CTBP2: variants seen among roughly 807,000 people sequenced by gnomAD.
The protein encoded by CTBP2 is C-terminal-binding protein 2.
CTBP2 carries 30 observed loss-of-function variants against 80.3 expected under a neutral mutation model. That is an observed-to-expected ratio of 0.37 (90% CI 0.28 to 0.51). The LOEUF is 0.51. Among genes scored for constraint, CTBP2 ranks in the 20% least tolerant of loss-of-function variants. The pLI is 0.93. For missense variants in CTBP2, 1,212 were observed against 1,375.3 expected (o/e 0.88, Z 1.88); for synonymous variants, 594 against 587.4 (o/e 1.01, Z -0.16).
chr10:125,117,155 C>T (rs964550403), intron 1 of CTBP2, among the ~76,000 whole-genome samples: 6 of 151,698 alleles, frequency 4.0e-5, no homozygotes, highest in African/African-American at 1.5e-4. Flanking sequence ...CTTCCCAACC[C>T]TCCTCTGCCC....
At chr10:125,048,332 T>G in intron 2 of CTBP2, among the ~76,000 whole-genome samples, 1 of 152,046 alleles carries the variant, frequency 6.6e-6, no homozygotes, top group Non-Finnish European at 1.5e-5. Context: ...CTATCCCAAC[T>G]TAAGCTCTAC....
chr10:125,023,418 C>A (rs1957243321), intron 1 of CTBP2, among the ~76,000 whole-genome samples: 1 of 152,214 alleles, frequency 6.6e-6, no homozygotes, highest in Non-Finnish European at 1.5e-5. Context: ...TCTGATGATC[C>A]CTGCTGCATC....
At chr10:124,990,289 CG>C (rs1952432310) in intron 8 of CTBP2, among the ~76,000 whole-genome samples, 1 of 151,922 alleles carries the variant, frequency 6.6e-6, no homozygotes, top group Non-Finnish European at 1.5e-5. Flanking sequence ...GTGATCCGCC[CG>C]CCTCAGCCTC....
intron 1 of CTBP2, among the ~76,000 whole-genome samples, chr10:125,124,259 CTG>C (rs970595132): frequency 6.6e-6 from 1 of 152,198 alleles, no homozygotes; most frequent in African/African-American, 2.4e-5. Context: ...TTGTGGCACT[CTG>C]TGTCTTTTCC....
intron 2 of CTBP2, among the ~76,000 whole-genome samples, chr10:125,088,749 C>CA (rs1338331221): frequency 6.6e-6 from 1 of 152,150 alleles, no homozygotes; most frequent in Admixed American, 6.5e-5. Context: ...AACGGGCATA[C>CA]AAAAAGAGGG....
intron 2 of CTBP2, among the ~76,000 whole-genome samples, chr10:125,103,501 A>G (rs1850959374): frequency 6.6e-6 from 1 of 152,170 alleles, no homozygotes; most frequent in Non-Finnish European, 1.5e-5. Context: ...GGGAGTGAGA[A>G]GAGACACCCT....
intron 2 of CTBP2, among the ~76,000 whole-genome samples, chr10:125,057,985 C>G (rs1279252800): frequency 1.3e-5 from 2 of 152,176 alleles, no homozygotes; most frequent in African/African-American, 4.8e-5. Context: ...AGGCCTGGTG[C>G]TTTCATGCCA....
intron 3 of CTBP2, among the ~76,000 whole-genome samples, chr10:125,002,149 G>T (rs768716827): frequency 3.3e-5 from 5 of 152,182 alleles, no homozygotes; most frequent in Non-Finnish European, 5.9e-5. Context: ...GGGCACCTCA[G>T]CACTCGTAAG....
chr10:125,095,322 G>C lies in CTBP2; in HGVS notation c.-102+15668C>G, dbSNP rs543557224. ...CTAAGGCTCTGAATGCAAATACTCA[G>C]CATCCACCAGCCCAAACTCAGAAGG... On this transcript the variant is annotated intron_variant, in intron 2 of 10. Coordinates refer to the CTBP2 transcript ENST00000337195. 9.2e-5 allele frequency among the ~76,000 whole-genome samples: 14 copies of C among 152,308 alleles called. No homozygotes were observed. In the South Asian group the frequency reaches 2.9e-3, roughly 32 times the overall value.
Position 125,077,040 on chromosome 10 carries a change from G to C in CTBP2, c.-102+33950C>G, listed in dbSNP as rs1334510525. On this transcript the variant is annotated intron_variant, in intron 2 of 10. Coordinates refer to the CTBP2 transcript ENST00000337195. Reference sequence around the variant, plus strand: ...ACAGGTCAGGCCAACTGATGTGTGTGTCCAGATGCGCCACGCCTCCATTTT... The same window carrying C: ...ACAGGTCAGGCCAACTGATGTGTGTCTCCAGATGCGCCACGCCTCCATTTT... 2.6e-5 allele frequency among the ~76,000 whole-genome samples: 4 copies of C among 152,296 alleles called. No individual in the cohort carries two copies. In the East Asian group the frequency reaches 7.7e-4, roughly 29 times the overall value.
chr10:125,161,173 T>G (rs932734133), upstream of CTBP2: 4 of 149,582 alleles, frequency 2.7e-5, no homozygotes, highest in African/African-American at 7.4e-5. Flanking sequence ...ATCGGCTCTC[T>G]CGGGGGATTA....
intron 1 of CTBP2, among the ~76,000 whole-genome samples, chr10:125,121,660 T>C (rs571786625): frequency 1.4e-4 from 22 of 152,294 alleles, no homozygotes; most frequent in Admixed American, 6.5e-4. Flanking sequence ...GTCCAAAATA[T>C]ATTCCCTCTA....
At chr10:125,014,568 T>C (rs1210598044) in intron 1 of CTBP2, among the ~76,000 whole-genome samples, 2 of 152,278 alleles carry the variant, frequency 1.3e-5, no homozygotes, top group Non-Finnish European at 2.9e-5. Context: ...GAGGTTGACC[T>C]TCCTTACGGG....
intron 2 of CTBP2, among the ~76,000 whole-genome samples, chr10:125,053,695 C>T (rs1320574497): frequency 1.3e-5 from 2 of 152,204 alleles, no homozygotes; most frequent in African/African-American, 4.8e-5. Flanking sequence ...ATCTCAGACA[C>T]GCTCCTGAAG....
chr10:125,024,290 C>A (rs1467819658), intron 1 of CTBP2, among the ~76,000 whole-genome samples: 1 of 152,218 alleles, frequency 6.6e-6, no homozygotes, highest in Non-Finnish European at 1.5e-5. Flanking sequence ...AGGAGGGAAA[C>A]TGCAGCTATG....
chr10:125,063,031 C>T (rs11245487), intron 2 of CTBP2, among the ~76,000 whole-genome samples: 13,183 of 152,240 alleles, frequency 0.087, 811 homozygotes, highest in East Asian at 0.28. Context: ...GAAGAGAGCT[C>T]AGCCAAAGAA....
Position 124,992,402 on chromosome 10 carries a change from G to A in CTBP2, c.2777+293C>T, listed in dbSNP as rs543452539. On this transcript the variant is annotated intron_variant, in intron 8 of 8. Coordinates refer to ENST00000309035, the MANE Select transcript of CTBP2 (RefSeq NM_022802.3). The stretch of plus-strand genomic sequence containing the variant: ...GGTGTGCGCCACCACACGTGACTGG[G>A]AAGCCTTCTGGTTTTAAGATGGCTT... Among the ~76,000 whole-genome samples the A allele has an allele frequency of 1.2e-4, 19 of 152,072 alleles. No individual in the cohort carries two copies. In the East Asian group the frequency reaches 3.5e-3, roughly 28 times the overall value.
chr10:125,130,198 C>T (rs535167028), intron 1 of CTBP2, among the ~76,000 whole-genome samples: 1 of 152,144 alleles, frequency 6.6e-6, no homozygotes, highest in Non-Finnish European at 1.5e-5. Context: ...CAGACGCACA[C>T]CACCATGCCC....
chr10:125,124,316 C>T (rs141179560), intron 1 of CTBP2, among the ~76,000 whole-genome samples: 375 of 152,264 alleles, frequency 2.5e-3, no homozygotes, highest in African/African-American at 8.6e-3. Context: ...CTGGCATACT[C>T]GACGCTAGCA....
Sources: allele counts gnomAD v4.1 joint callset (sites outside exome capture counted in the v4.1 genomes callset), GRCh38; gene constraint gnomAD v4.1.1; transcripts MANE v1.5; gene names NCBI Gene and HGNC (gene_info 2026-07-23, HGNC 2026-07-21).